Variants in SLC27A4 observed in about 807,000 individuals in gnomAD.
The protein encoded by SLC27A4 is long-chain fatty acid transport protein 4.
In SLC27A4, 33 loss-of-function variants were observed where a neutral mutation model predicts 64.4. That is an observed-to-expected ratio of 0.51 (90% CI 0.39 to 0.68). SLC27A4 has a LOEUF of 0.68. SLC27A4 is among the 30% of genes least tolerant of loss of function. The pLI, the probability that SLC27A4 is intolerant of heterozygous loss-of-function variation, is 0.00. For synonymous variants in SLC27A4, 377 were observed against 370.0 expected (o/e 1.02, Z -0.22); for missense variants, 824 against 883.5 (o/e 0.93, Z 0.85).
intron 7 of SLC27A4, 62 bp downstream of exon 7, chr9:128,352,809 C>T: frequency 7.6e-7 from 1 of 1,314,716 alleles, no homozygotes; most frequent in Non-Finnish European, 1.1e-6. Flanking sequence ...CCCAACTACA[C>T]TCCGGGGCAT....
Position 128,353,900 on chromosome 9 carries a change from C to T in SLC27A4, c.1324+359C>T, listed in dbSNP as rs951649494. ...CTGGGACTACAGGCGCCCGCCACTA[C>T]GCCCGGCTAATTTTTTGTATTTTTA... On this transcript the variant is annotated intron_variant, in intron 9 of 12. Coordinates refer to ENST00000300456, the MANE Select transcript of SLC27A4 (RefSeq NM_005094.4). The surrounding 1 kb of genome is among the most constrained non-coding windows in gnomAD (Gnocchi z 4.9). Among the ~76,000 whole-genome samples the T allele has an allele frequency of 9.3e-5, 14 of 150,044 alleles. No homozygotes were observed. The highest frequency in any genetic ancestry group is 3.0e-4 in the African/African-American group (12 of 39,884).
At chr9:128,346,954 G>A (rs1363708898) in intron 3 of SLC27A4, among the ~76,000 whole-genome samples, 2 of 152,018 alleles carry the variant, frequency 1.3e-5, no homozygotes, top group Non-Finnish European at 2.9e-5. Context: ...GCAGTGAGCC[G>A]AGATCACGTC....
In SLC27A4 at chr9:128,345,112, C is replaced by T. The variant is rs549792480; in HGVS notation, c.162-43C>T. ...GGGTAGGGTGTCAGGACCCCTCCCT[C>T]CCAACCATGGCAGACACAGCGCCCT... On this transcript the variant is annotated intron_variant, in intron 2 of 12. Coordinates refer to ENST00000300456, the MANE Select transcript of SLC27A4 (RefSeq NM_005094.4). The surrounding 1 kb of genome is among the most constrained non-coding windows in gnomAD (Gnocchi z 4.1). 4.3e-5 allele frequency: 70 copies of T among 1,612,012 alleles called. No individual in the cohort carries two copies. In the Admixed American group the frequency reaches 7.2e-4, roughly 17 times the overall value.
intron 1 of SLC27A4, 38 bp downstream of exon 1, chr9:128,340,876 A>G: frequency 3.4e-6 from 2 of 594,276 alleles, no homozygotes; most frequent in African/African-American, 1.9e-5. Context: ...CCGGGTGGGG[A>G]CATGTGCCAG....
Position 128,360,596 on chromosome 9 carries a change from ACCTCCATCCTGAGGTGCTGCC to A in SLC27A4, c.*115_*135del. On this transcript the variant is annotated 3_prime_UTR_variant, in exon 13 of 13. Transcript: ENST00000300456. ...CAGACCAAAGCAAGCAGGGCCTGGCACCTCCATCCTGAGGTGCTGCCCCTCCATCCAAAACTGCCAAGTGAC... is the reference window on the plus strand; with the variant it reads ...CAGACCAAAGCAAGCAGGGCCTGGCACCTCCATCCAAAACTGCCAAGTGAC... The A allele has an allele frequency of 8.1e-7, 1 of 1,238,594 alleles. No individual in the cohort carries two copies. Among genetic ancestry groups the A allele is most frequent in the Non-Finnish European group, 1.2e-6 (1 of 863,480 alleles). The allele number at this position is 1,238,594 out of a possible 1,614,324, so 76.7% of individuals were successfully genotyped here.
chr9:128,358,178 T>C (rs1832847627), intron 12 of SLC27A4, among the ~76,000 whole-genome samples: 1 of 152,230 alleles, frequency 6.6e-6, no homozygotes, highest in Admixed American at 6.5e-5. Flanking sequence ...TTGACCTTGC[T>C]TTGGGGTCAT....
chr9:128,348,824 C>A, intron 4 of SLC27A4, 121 bp downstream of exon 4: 1 of 1,008,328 alleles, frequency 9.9e-7, no homozygotes, highest in Non-Finnish European at 1.5e-6. Context: ...TGTCACGTCA[C>A]CTCCCTTTTT....
chr9:128,360,539 A>G lies in SLC27A4; in HGVS notation c.*48A>G, dbSNP rs747337886. 2.1e-5 allele frequency: 34 copies of G among 1,606,638 alleles called. No homozygotes were observed. Among genetic ancestry groups the G allele is most frequent in the Non-Finnish European group, 2.8e-5 (33 of 1,175,948 alleles). ...CGGCGGATGCTGGATCCGGAGCCCCAGGTTCCGCCCCAGAGCGGTCCTGGA... is the reference window on the plus strand; with the variant it reads ...CGGCGGATGCTGGATCCGGAGCCCCGGGTTCCGCCCCAGAGCGGTCCTGGA... On this transcript the variant is annotated 3_prime_UTR_variant, in exon 13 of 13. Transcript: ENST00000300456.
chr9:128,340,985 C>G (rs1832561933), intron 1 of SLC27A4, 147 bp downstream of exon 1: 1 of 478,264 alleles, frequency 2.1e-6, no homozygotes, highest in Non-Finnish European at 3.8e-6. Flanking sequence ...TGTCTAGGGG[C>G]GAGGGCGGCA....
At chr9:128,341,333 A>G (rs902998157) in intron 1 of SLC27A4, among the ~76,000 whole-genome samples, 1 of 152,194 alleles carries the variant, frequency 6.6e-6, no homozygotes, top group African/African-American at 2.4e-5. Flanking sequence ...AAACAGTCCC[A>G]TCAGATGTCC....
rs770726802 is a variant in SLC27A4 at position 128,355,507 on chromosome 9, A to T, written c.1572A>T (p.Thr524=). Residue 524 remains threonine (T), a synonymous_variant, in exon 11 of 13, where the codon ACA becomes ACT. Coordinates refer to ENST00000300456, the MANE Select transcript of SLC27A4 (RefSeq NM_005094.4). Reference sequence around the variant, plus strand: ...TGTCCACCACCGAGGTGGAAGGCACACTCAGCCGCCTGCTGGACATGGCTG... The same window carrying T: ...TGTCCACCACCGAGGTGGAAGGCACTCTCAGCCGCCTGCTGGACATGGCTG... ...ENVSTTEVEG[T]LSRLLDMADV... is the part of the protein sequence containing the mutation. The T allele has an allele frequency of 6.4e-5, 104 of 1,613,070 alleles. No homozygotes were observed. In the South Asian group the frequency reaches 7.2e-4, roughly 11 times the overall value.
At position 128,345,190 on chromosome 9, in the gene SLC27A4, T is replaced by C; in HGVS notation, c.197T>C (p.Val66Ala). 1.2e-6 allele frequency: 2 copies of C among 1,613,308 alleles called. No individual in the cohort carries two copies. Among genetic ancestry groups the C allele is most frequent in the East Asian group, 2.2e-5 (1 of 44,872 alleles). Residue 66 changes from valine to alanine, a missense_variant, in exon 3 of 13, where the codon GTG (valine) becomes GCG (alanine). By Grantham distance (64) the Val-to-Ala change is moderately conservative. Coordinates refer to ENST00000300456, the MANE Select transcript of SLC27A4 (RefSeq NM_005094.4). This position sits in a 1 kb window ranked among gnomAD's most constrained non-coding sequence, Gnocchi z 4.1. ...GTCCTCCTGAAGGTGAAGGCAAAGG[T>C]GCGACAGTGCCTGCAGGAGCGGCGG... ...GLVLLKVKAK[V>A]RQCLQERRTV...
At position 128,343,176 on chromosome 9, in the gene SLC27A4, A is replaced by G. The variant is rs774441905; in HGVS notation, c.44A>G (p.Lys15Arg). 10 of 1,613,966 alleles carry G rather than the reference A, an allele frequency of 6.2e-6. No individual in the cohort carries two copies. Among genetic ancestry groups the G allele is most frequent in the African/African-American group, 2.7e-5 (2 of 74,886 alleles). ...ASLVGVLLFS[K>R]LVLKLPWTQV... is the part of the protein sequence containing the mutation. ...CTGGTGGGGGTGCTGCTGTTCTCCA[A>G]GCTGGTGCTGAAACTGCCCTGGACC... is the stretch of plus-strand genomic sequence containing the variant. The change falls in exon 2 of 13, where the codon AAG (lysine) becomes AGG (arginine). Residue 15 changes from lysine to arginine, a missense_variant. Transcript: ENST00000300456.
chr9:128,343,264 C>G lies in SLC27A4; in HGVS notation c.132C>G (p.Val44=). 4.3e-6 allele frequency: 7 copies of G among 1,614,148 alleles called. No homozygotes were observed. Among genetic ancestry groups the G allele is most frequent in the Non-Finnish European group, 5.9e-6 (7 of 1,180,030 alleles). ...CTGGCGGCTGGCGCTTCATCCGGGT[C>G]TTCATCAAGACCATCAGGCGCGATA... The part of the protein sequence containing the change: ...LGSGGWRFIR[V]FIKTIRRDIF... The change falls in exon 2 of 13, where the codon GTC becomes GTG. Residue 44 remains valine, a synonymous_variant. Transcript: ENST00000300456.
intron 2 of SLC27A4, among the ~76,000 whole-genome samples, chr9:128,344,215 C>T (rs1832619639): frequency 6.6e-6 from 1 of 152,086 alleles, no homozygotes; most frequent in African/African-American, 2.4e-5. Flanking sequence ...ACAGCATCAG[C>T]AACAAAGGCA....
At chr9:128,358,980 G>A (rs1467969119) in intron 12 of SLC27A4, among the ~76,000 whole-genome samples, 1 of 152,208 alleles carries the variant, frequency 6.6e-6, no homozygotes, top group East Asian at 1.9e-4. Context: ...GTTGGTTAAA[G>A]CAAGTTGTAA....
rs781601074 is a variant in SLC27A4, at chr9:128,343,259, C to T, written c.127C>T (p.Arg43Trp). 45 of 1,614,024 alleles carry T rather than the reference C, an allele frequency of 2.8e-5. No individual in the cohort carries two copies. Among genetic ancestry groups the T allele is most frequent in the East Asian group, 1.3e-4 (6 of 44,898 alleles). ...YLGSGGWRFI[R>W]VFIKTIRRDI... is the part of the protein sequence containing the mutation. ...GGGATCTGGCGGCTGGCGCTTCATC[C>T]GGGTCTTCATCAAGACCATCAGGCG... The change falls in exon 2 of 13, where the codon CGG becomes TGG. Residue 43 changes from arginine (R) to tryptophan (W), a missense_variant. By Grantham distance (101) the Arg-to-Trp change is moderately radical. Coordinates refer to ENST00000300456, the MANE Select transcript of SLC27A4 (RefSeq NM_005094.4).
Position 128,360,701 on chromosome 9 carries a change from T to C in SLC27A4, c.*210T>C, listed in dbSNP as rs1354382501. On this transcript the variant is annotated 3_prime_UTR_variant, in exon 13 of 13. Coordinates refer to ENST00000300456, the MANE Select transcript of SLC27A4 (RefSeq NM_005094.4). The stretch of plus-strand genomic sequence containing the variant: ...GTGAAAGTCTCATGTCCAAGTTCCG[T>C]CTTCTGGGCTGGGCAGGCCCTCTGG... 1 of 587,218 alleles carries C rather than the reference T, an allele frequency of 1.7e-6. No homozygotes were observed. Among genetic ancestry groups the C allele is most frequent in the East Asian group, 2.9e-5 (1 of 34,056 alleles). The allele number at this position is 587,218 out of a possible 1,614,324, so 36.4% of individuals were successfully genotyped here.
chr9:128,350,551 T>G lies in SLC27A4; in HGVS notation c.853T>G (p.Cys285Gly). 1 of 1,613,528 alleles carries G rather than the reference T, an allele frequency of 6.2e-7. No homozygotes were observed. The highest frequency in any genetic ancestry group is 8.5e-7 in the Non-Finnish European group (1 of 1,179,786). The change falls in exon 6 of 13, where the codon TGC (cysteine) becomes GGC (glycine). Residue 285 changes from cysteine to glycine, a missense_variant. Transcript: ENST00000300456. ...GCGGCCCAACGACATCGTCTATGAC[T>G]GCCTCCCCCTCTACCACTCAGCAGG... ...RMRPNDIVYD[C>G]LPLYHSAGNI...
Sources: allele counts gnomAD v4.1 joint callset (sites outside exome capture counted in the v4.1 genomes callset), GRCh38; gene constraint gnomAD v4.1.1; non-coding constraint Gnocchi (gnomAD v3.1); transcripts MANE v1.5; gene names NCBI Gene and HGNC (gene_info 2026-07-23, HGNC 2026-07-21).